FSTL5: variants seen among roughly 807,000 people sequenced by gnomAD.
FSTL5 encodes follistatin-related protein 5.
A neutral mutation model predicts 89.1 loss-of-function variants in FSTL5; 62 were observed. The observed-to-expected ratio is 0.70, with a 90% CI of 0.57 to 0.86. The LOEUF (loss-of-function observed/expected upper bound fraction) is 0.86. Ranked by LOEUF, FSTL5 falls within the 40% of genes least tolerant of loss-of-function variation. FSTL5 has a pLI of 0.00. For missense variants in FSTL5, 1,057 were observed against 1,001.6 expected, an observed-to-expected ratio of 1.06 and a Z score of -0.75; for synonymous variants, 383 against 346.2, an observed-to-expected ratio of 1.11 and a Z score of -1.18.
At chr4:162,143,808 AC>A (rs1732855128) in intron 1 of FSTL5, among the ~76,000 whole-genome samples, 1 of 139,842 alleles carries the variant, frequency 7.2e-6, no homozygotes, top group Non-Finnish European at 1.6e-5. Context: ...ACACACACAC[AC>A]ACACACACAC....
At chr4:161,958,809 G>T (rs531587573) in intron 3 of FSTL5, among the ~76,000 whole-genome samples, 5 of 152,240 alleles carry the variant, frequency 3.3e-5, no homozygotes, top group Non-Finnish European at 5.9e-5. Context: ...TAACTTTGAA[G>T]CCATTGAAGA....
intron 8 of FSTL5, among the ~76,000 whole-genome samples, chr4:161,563,411 C>T (rs1221913297): frequency 1.3e-5 from 2 of 151,940 alleles, no homozygotes; most frequent in Non-Finnish European, 2.9e-5. Context: ...TACATTTCCA[C>T]TTATAGTGAA....
chr4:161,611,328 A>T (rs964507769), intron 7 of FSTL5, among the ~76,000 whole-genome samples: 3 of 147,558 alleles, frequency 2.0e-5, no homozygotes, highest in Non-Finnish European at 3.0e-5. Flanking sequence ...TTTGCCTGCA[A>T]TTTTACATTA....
At chr4:161,741,071 A>G (rs1354685847) in intron 6 of FSTL5, among the ~76,000 whole-genome samples, 1 of 152,218 alleles carries the variant, frequency 6.6e-6, no homozygotes, top group Non-Finnish European at 1.5e-5. Flanking sequence ...TCCTATTGTC[A>G]TCACACTGAT....
chr4:161,704,317 A>T (rs529315377), intron 6 of FSTL5, among the ~76,000 whole-genome samples: 10 of 152,128 alleles, frequency 6.6e-5, no homozygotes, highest in Admixed American at 2.6e-4. Context: ...TTGATGTCTC[A>T]TGTCTCCTTA....
At chr4:161,474,545 G>GTT (rs56697910) in intron 13 of FSTL5, among the ~76,000 whole-genome samples, 1,620 of 144,564 alleles carry the variant, frequency 0.011, 29 homozygotes, top group African/African-American at 0.036. Context: ...TTGTGTAGTG[G>GTT]TTTTTTTTTT....
intron 2 of FSTL5, among the ~76,000 whole-genome samples, chr4:162,106,373 C>G (rs977597277): frequency 6.6e-6 from 1 of 152,128 alleles, no homozygotes; most frequent in African/African-American, 2.4e-5. Context: ...TTCCCTCAAG[C>G]CTGACTTTGA....
At chr4:161,942,496 G>C (rs1410297375) in intron 3 of FSTL5, among the ~76,000 whole-genome samples, 2 of 151,976 alleles carry the variant, frequency 1.3e-5, no homozygotes, top group African/African-American at 2.4e-5. Context: ...AACATATAAA[G>C]AGACTAAATC....
chr4:162,010,582 GTCTC>G (rs1011349956), intron 3 of FSTL5, among the ~76,000 whole-genome samples: 1 of 152,006 alleles, frequency 6.6e-6, no homozygotes, highest in South Asian at 2.1e-4. Flanking sequence ...CCCATTAGCA[GTCTC>G]TCTCTCTCTT....
chr4:162,051,057 A>C (rs1035499988), intron 2 of FSTL5, among the ~76,000 whole-genome samples: 1 of 151,584 alleles, frequency 6.6e-6, no homozygotes, highest in Non-Finnish European at 1.5e-5. Context: ...ATTGTCTTCA[A>C]GAAACACTTA....
intron 15 of FSTL5, among the ~76,000 whole-genome samples, chr4:161,407,259 C>A (rs17041022): frequency 6.6e-6 from 1 of 152,140 alleles, no homozygotes; most frequent in Non-Finnish European, 1.5e-5. Context: ...GATGGTCTAG[C>A]AGATACACTA....
At chr4:161,606,779 C>T (rs1319678845) in intron 7 of FSTL5, among the ~76,000 whole-genome samples, 1 of 151,986 alleles carries the variant, frequency 6.6e-6, no homozygotes, top group African/African-American at 2.4e-5. Flanking sequence ...ATCTGGAGAC[C>T]ATTTTTCTTC....
At chr4:161,656,516 A>T (rs528078330) in intron 6 of FSTL5, 22 bp from the exon 7 acceptor site, 1 of 1,466,026 alleles carries the variant, frequency 6.8e-7, no homozygotes, top group Non-Finnish European at 9.1e-7. Context: ...AAGTGTCAGT[A>T]ATGTTGATGA....
At chr4:162,153,193 T>C (rs1003379141) in intron 1 of FSTL5, among the ~76,000 whole-genome samples, 1 of 152,082 alleles carries the variant, frequency 6.6e-6, no homozygotes, top group African/African-American at 2.4e-5. Context: ...TTAAAGTCCC[T>C]GAGGTTTACT....
At chr4:161,548,142 C>T (rs893394954) in intron 8 of FSTL5, among the ~76,000 whole-genome samples, 2 of 151,754 alleles carry the variant, frequency 1.3e-5, no homozygotes, top group African/African-American at 4.8e-5. Context: ...CATTTGCATT[C>T]CCATTCCACA....
chr4:161,606,603 C>A (rs540299757), intron 7 of FSTL5, among the ~76,000 whole-genome samples: 22 of 152,214 alleles, frequency 1.4e-4, no homozygotes, highest in African/African-American at 5.3e-4. Flanking sequence ...GCTGAGATTT[C>A]TTTCTCAGTT....
At chr4:161,672,667 C>A (rs1737156495) in intron 6 of FSTL5, among the ~76,000 whole-genome samples, 2 of 141,962 alleles carry the variant, frequency 1.4e-5, no homozygotes, top group Non-Finnish European at 1.5e-5. Flanking sequence ...AGTAAAAAGC[C>A]ATAAACATAA....
At chr4:162,146,661 GTCCCT>G (rs200924276) in intron 1 of FSTL5, among the ~76,000 whole-genome samples, 2,548 of 140,824 alleles carry the variant, frequency 0.018, 61 homozygotes, top group African/African-American at 0.047. Flanking sequence ...TTTACCTAAT[GTCCCT>G]TCCCTTCCCT....
chr4:161,631,958 T>C (rs1304831685), intron 7 of FSTL5, among the ~76,000 whole-genome samples: 1 of 152,180 alleles, frequency 6.6e-6, no homozygotes, highest in Non-Finnish European at 1.5e-5. Flanking sequence ...TTCCTTCAAT[T>C]TAGAAGTACA....
Sources: allele counts gnomAD v4.1 joint callset (sites outside exome capture counted in the v4.1 genomes callset), GRCh38; gene constraint gnomAD v4.1.1; transcripts MANE v1.5; gene names NCBI Gene and HGNC (gene_info 2026-07-23, HGNC 2026-07-21).